The following SLC44A1 variants were observed in gnomAD, a reference collection of about 807,000 sequenced individuals.
SLC44A1 encodes solute carrier family 44 member 1, also known as choline transporter-like protein 1.
A neutral mutation model predicts 79.3 loss-of-function variants in SLC44A1; 26 were observed. The observed-to-expected ratio is 0.33, with a 90% CI of 0.24 to 0.46. SLC44A1 has a LOEUF of 0.46. Among genes scored for constraint, SLC44A1 ranks in the 20% least tolerant of loss-of-function variants. The pLI, the probability that SLC44A1 is intolerant of heterozygous loss-of-function variation, is 1.00. For synonymous variants in SLC44A1, 263 were observed against 286.2 expected (o/e 0.92, Z 0.82); for missense variants, 688 against 798.1 (o/e 0.86, Z 1.66).
intron 3 of SLC44A1, among the ~76,000 whole-genome samples, chr9:105,321,262 A>G (rs1826384955): frequency 6.6e-6 from 1 of 152,282 alleles, no homozygotes; most frequent in Middle Eastern, 3.4e-3. Flanking sequence ...GAAAAGGTCA[A>G]GGTTTATCTT....
At position 105,327,872 on chromosome 9, in the gene SLC44A1, AATTGTCTTCTTACTCTCTGG is replaced by A. The variant is rs573587141; in HGVS notation, c.270-7685_270-7666del. ...GCTCTAGCACTAGCACACTGTTTGT[AATTGTCTTCTTACTCTCTGG>A]ATTGTGAACACTAAGAAGGGAGACA... On this transcript the variant is annotated intron_variant, in intron 3 of 15. Transcript: ENST00000374720. Among the ~76,000 whole-genome samples the A allele has an allele frequency of 4.4e-3, 669 of 152,258 alleles. 3 individuals carry two copies. The highest frequency in any genetic ancestry group is 7.3e-3 in the Non-Finnish European group (499 of 68,016).
In SLC44A1 at chr9:105,353,109, G is replaced by A. The variant is rs1326401713; in HGVS notation, c.501-3103G>A. On this transcript the variant is annotated intron_variant, in intron 5 of 15. Transcript: ENST00000374720. ...CACTAGGAACAGATTTTGACTATCA[G>A]CTAGACAATGTAGTTAATCAGCATG... Among the ~76,000 whole-genome samples the A allele has an allele frequency of 3.3e-5, 5 of 152,150 alleles. No homozygotes were observed. The East Asian group carries it at 9.6e-4, about 29-fold the overall frequency.
chr9:105,364,278 T>A (rs1205434152), intron 9 of SLC44A1, among the ~76,000 whole-genome samples: 1 of 152,224 alleles, frequency 6.6e-6, no homozygotes, highest in Non-Finnish European at 1.5e-5. Context: ...GTTTGAAAAT[T>A]CATGCTTAAA....
At chr9:105,264,771 A>T (rs1415416661) in intron 1 of SLC44A1, among the ~76,000 whole-genome samples, 1 of 151,866 alleles carries the variant, frequency 6.6e-6, no homozygotes, top group Non-Finnish European at 1.5e-5. Flanking sequence ...TGTCAATTTA[A>T]GATCTCCCTT....
chr9:105,340,233 A>G (rs1827045411), intron 4 of SLC44A1, among the ~76,000 whole-genome samples: 1 of 152,258 alleles, frequency 6.6e-6, no homozygotes, highest in South Asian at 2.1e-4. Context: ...AAATTCTGAC[A>G]CATGCTATAA....
intron 2 of SLC44A1, among the ~76,000 whole-genome samples, chr9:105,305,657 C>T (rs1363854721): frequency 1.3e-5 from 2 of 152,038 alleles, no homozygotes; most frequent in Non-Finnish European, 2.9e-5. Context: ...AAGCAGAACT[C>T]CTTTTTTCCC....
intron 5 of SLC44A1, among the ~76,000 whole-genome samples, chr9:105,354,306 T>C (rs2131395071): frequency 6.6e-6 from 1 of 152,068 alleles, no homozygotes; most frequent in African/African-American, 2.4e-5. Context: ...CGCCTCGGCC[T>C]CCCAAAGTGC....
intron 2 of SLC44A1, among the ~76,000 whole-genome samples, chr9:105,301,209 C>T (rs1317357612): frequency 6.6e-6 from 1 of 152,178 alleles, no homozygotes; most frequent in Non-Finnish European, 1.5e-5. Context: ...TTTGGATTTT[C>T]TGTGCTAAAA....
At chr9:105,386,264 C>G (rs919228394) in intron 15 of SLC44A1, 4 of 969,386 alleles carry the variant, frequency 4.1e-6, no homozygotes, top group Non-Finnish European at 4.9e-6. Context: ...GTCACTATAG[C>G]ATAGAAACAG....
At chr9:105,421,910 A>G (rs1185920957) in intron 15 of SLC44A1, among the ~76,000 whole-genome samples, 1 of 152,120 alleles carries the variant, frequency 6.6e-6, no homozygotes, top group African/African-American at 2.4e-5. Flanking sequence ...GAATTCCTTC[A>G]GCACACTGGT....
At chr9:105,282,187 T>C (rs1203871697) in intron 1 of SLC44A1, among the ~76,000 whole-genome samples, 2 of 152,134 alleles carry the variant, frequency 1.3e-5, no homozygotes, top group African/African-American at 4.8e-5. Context: ...CATGTGTTTT[T>C]AGAGCATTTA....
chr9:105,350,730 C>T (rs1386727254), intron 5 of SLC44A1, among the ~76,000 whole-genome samples: 1 of 152,170 alleles, frequency 6.6e-6, no homozygotes, highest in Non-Finnish European at 1.5e-5. Flanking sequence ...TCATACTCCC[C>T]TCAAGGATTT....
In SLC44A1 at chr9:105,393,723, T is replaced by C; in HGVS notation, c.*4667T>C. The C allele has an allele frequency of 1.0e-6, 1 of 984,936 alleles. No homozygotes were observed. Among genetic ancestry groups the C allele is most frequent in the South Asian group, 4.7e-5 (1 of 21,270 alleles). 61.0% of individuals were successfully genotyped at this position (984,936 alleles called of 1,614,324 possible). On this transcript the variant is annotated 3_prime_UTR_variant, in exon 16 of 16. Transcript: ENST00000374720. ...AACAATTGCCACTTTGTAAATTATATGGACAGAATGTGTTCTAAGGAAATT... is the reference window on the plus strand; with the variant it reads ...AACAATTGCCACTTTGTAAATTATACGGACAGAATGTGTTCTAAGGAAATT...
intron 1 of SLC44A1, among the ~76,000 whole-genome samples, chr9:105,252,033 A>T (rs1249600271): frequency 1.3e-5 from 2 of 152,250 alleles, no homozygotes; most frequent in African/African-American, 2.4e-5. Flanking sequence ...GTTGAAACAA[A>T]TCAAAAGAAT....
At chr9:105,399,507 G>A (rs1219081195), downstream of SLC44A1, among the ~76,000 whole-genome samples, 1 of 106,962 alleles carries the variant, frequency 9.3e-6, no homozygotes, top group African/African-American at 2.9e-5. Flanking sequence ...CACACAAGTT[G>A]TGTAATAAGC....
At chr9:105,271,620 T>C (rs1830079067) in intron 1 of SLC44A1, among the ~76,000 whole-genome samples, 1 of 151,980 alleles carries the variant, frequency 6.6e-6, no homozygotes, top group South Asian at 2.1e-4. Context: ...GATCTTTTTC[T>C]TTTTTTTCTT....
Position 105,390,055 on chromosome 9 carries a change from A to G in SLC44A1, c.*999A>G. The G allele has an allele frequency of 7.8e-7, 1 of 1,285,446 alleles. No homozygotes were observed. Among genetic ancestry groups the G allele is most frequent in the Non-Finnish European group, 9.9e-7 (1 of 1,009,834 alleles). The allele number at this position is 1,285,446 out of a possible 1,614,324, so 79.6% of individuals were successfully genotyped here. On this transcript the variant is annotated 3_prime_UTR_variant, in exon 16 of 16. Transcript: ENST00000374720. Reference sequence around the variant, plus strand: ...CAAATGCTTGCTATACAATCTGAAAACACACTGGCAGGTGCTCCTCTCCTT... The same window carrying G: ...CAAATGCTTGCTATACAATCTGAAAGCACACTGGCAGGTGCTCCTCTCCTT...
At chr9:105,323,500 G>A (rs1036598905) in intron 3 of SLC44A1, among the ~76,000 whole-genome samples, 1 of 152,168 alleles carries the variant, frequency 6.6e-6, no homozygotes, top group Non-Finnish European at 1.5e-5. Flanking sequence ...TTCCTTGGGT[G>A]TTTTAGAGGA....
chr9:105,277,401 G>A (rs1172238929), intron 1 of SLC44A1, among the ~76,000 whole-genome samples: 3 of 152,136 alleles, frequency 2.0e-5, no homozygotes, highest in African/African-American at 7.2e-5. Context: ...TAAATCAAGT[G>A]TCTTAGATTC....
Sources: gnomAD v4.1 joint callset for allele counts (sites outside exome capture counted in the v4.1 genomes callset) on GRCh38, gnomAD v4.1.1 for gene constraint, MANE v1.5 for transcripts, NCBI Gene and HGNC (gene_info 2026-07-23, HGNC 2026-07-21) for gene names.